Variants in SLC35A5 observed in about 807,000 individuals in gnomAD.
SLC35A5 encodes solute carrier family 35 member A5, also known as UDP-sugar transporter protein SLC35A5.
SLC35A5 carries 28 observed loss-of-function variants against 36.3 expected under a neutral mutation model. The observed-to-expected ratio is 0.77, with a 90% CI of 0.57 to 1.06. The LOEUF (loss-of-function observed/expected upper bound fraction) is 1.06, where lower values mean the gene tolerates loss of function less well. SLC35A5 is among the 50% of genes least tolerant of loss of function. SLC35A5 has a pLI of 0.00. For missense variants in SLC35A5, 521 were observed against 499.3 expected, an observed-to-expected ratio of 1.04 and a Z score of -0.41; for synonymous variants, 180 against 173.7, an observed-to-expected ratio of 1.04 and a Z score of -0.29.
chr3:112,563,560 GAGCACTT>G (rs763300984), intron 2 of SLC35A5, 27 bp downstream of exon 2: 3 of 1,548,926 alleles, frequency 1.9e-6, no homozygotes, highest in Non-Finnish European at 2.6e-6. Context: ...TATATGCATG[GAGCACTT>G]CCATCTAATC....
intron 5 of SLC35A5, among the ~76,000 whole-genome samples, chr3:112,577,753 G>A (rs1337719462): frequency 1.3e-5 from 2 of 152,232 alleles, no homozygotes; most frequent in African/African-American, 2.4e-5. Flanking sequence ...GTCTGAAACA[G>A]CAGAAGAACA....
intron 1 of SLC35A5, 125 bp downstream of exon 1, chr3:112,562,398 C>T (rs1440485366): frequency 6.6e-6 from 1 of 152,386 alleles, no homozygotes; most frequent in Non-Finnish European, 1.5e-5. Context: ...ATCTGGCCCC[C>T]TCCTGTCGGG....
intron 2 of SLC35A5, among the ~76,000 whole-genome samples, chr3:112,563,884 T>G (rs1211063785): frequency 3.3e-5 from 5 of 152,202 alleles, no homozygotes; most frequent in Non-Finnish European, 7.4e-5. Context: ...CACTTGGCAT[T>G]TGTGAGGTAC....
chr3:112,580,827 T>C lies in SLC35A5; in HGVS notation c.710T>C (p.Ile237Thr), dbSNP rs1934877158. 6.2e-7 allele frequency: 1 copy of C among 1,614,072 alleles called. No individual in the cohort carries two copies. The highest frequency in any genetic ancestry group is 8.5e-7 in the Non-Finnish European group (1 of 1,180,012). The change falls in exon 6 of 7, where the codon ATA becomes ACA. Residue 237 changes from isoleucine (I) to threonine (T), a missense_variant. Physicochemically the swap from Ile to Thr is moderately conservative, Grantham distance 89 (BLOSUM62 -1). Transcript: ENST00000492406. The part of the protein sequence containing the change: ...IRLGMGHVLI[I>T]VQCFISSMAN... ...CTTGGCATGGGCCATGTTCTTATTA[T>C]AGTCCAGTGTTTTATTTCTTCAATG... is the stretch of plus-strand genomic sequence containing the variant.
chr3:112,571,735 C>G (rs559826317), intron 4 of SLC35A5, among the ~76,000 whole-genome samples: 2 of 152,058 alleles, frequency 1.3e-5, no homozygotes, highest in Admixed American at 6.5e-5. Context: ...TTTATAAAAC[C>G]GTCAGATCTC....
rs1241127522 is a variant in SLC35A5, at chr3:112,580,882, G to A, written c.765G>A (p.Lys255=). The change falls in exon 6 of 7, where the codon AAG becomes AAA. Residue 255 remains lysine, a synonymous_variant. Transcript: ENST00000492406. ...ATATCTATAATGAAAAGATACTGAA[G>A]GAAGGGAACCAGCTCACTGAAAGCA... is the stretch of plus-strand genomic sequence containing the variant. ...MANIYNEKIL[K]EGNQLTESIF... 1 of 1,614,140 alleles carries A rather than the reference G, an allele frequency of 6.2e-7. No individual in the cohort carries two copies. The highest frequency in any genetic ancestry group is 2.2e-5 in the East Asian group (1 of 44,886).
intron 3 of SLC35A5, among the ~76,000 whole-genome samples, chr3:112,569,487 A>G (rs1242019030): frequency 6.6e-6 from 1 of 152,230 alleles, no homozygotes; most frequent in Non-Finnish European, 1.5e-5. Context: ...ACACCAACTC[A>G]TGTTTCCTAA....
intron 6 of SLC35A5, among the ~76,000 whole-genome samples, chr3:112,582,189 G>T (rs1323431233): frequency 6.6e-6 from 1 of 152,074 alleles, no homozygotes; most frequent in Non-Finnish European, 1.5e-5. Context: ...TCATAGCAGA[G>T]CTTCCCTGGG....
At position 112,568,346 on chromosome 3, in the gene SLC35A5, A is replaced by G. The variant is rs72940091; in HGVS notation, c.131-825A>G. On this transcript the variant is annotated intron_variant, in intron 2 of 6. Coordinates refer to ENST00000492406, the MANE Select transcript of SLC35A5 (RefSeq NM_017945.5). ...TGAGAGAAGCAAGCAAATGTCTTCA[A>G]AAGTGGGGAAAATGCATTCCTGAAA... is the stretch of plus-strand genomic sequence containing the variant. Among the ~76,000 whole-genome samples the G allele has an allele frequency of 8.7e-3, 1,320 of 152,358 alleles. 15 individuals are homozygous for G. The highest frequency in any genetic ancestry group is 0.03 in the African/African-American group (1,256 of 41,580).
intron 3 of SLC35A5, among the ~76,000 whole-genome samples, chr3:112,569,635 C>T (rs1480898869): frequency 6.6e-6 from 1 of 152,182 alleles, no homozygotes; most frequent in Non-Finnish European, 1.5e-5. Flanking sequence ...CCATTTCCTG[C>T]AGGGAAGGTA....
chr3:112,565,426 G>A (rs1934151286), intron 2 of SLC35A5, among the ~76,000 whole-genome samples: 1 of 152,116 alleles, frequency 6.6e-6, no homozygotes, highest in South Asian at 2.1e-4. Context: ...GGGAACAGAG[G>A]CATAAAAAAG....
At chr3:112,574,391 T>G (rs1021535694) in intron 5 of SLC35A5, among the ~76,000 whole-genome samples, 8 of 142,874 alleles carry the variant, frequency 5.6e-5, no homozygotes, top group Non-Finnish European at 8.8e-5. Context: ...GGACGTGATT[T>G]AAGCACTAAT....
chr3:112,581,382 T>C (rs1934919514), intron 6 of SLC35A5, 56 bp downstream of exon 6: 5 of 1,491,288 alleles, frequency 3.4e-6, no homozygotes, highest in Admixed American at 2.3e-5. Flanking sequence ...AAAGCATAGT[T>C]AATTCAAGGA....
At position 112,585,080 on chromosome 3, in the gene SLC35A5, CTA is replaced by C. The variant is rs1052006706; in HGVS notation, c.*2347_*2348del. The C allele has an allele frequency of 6.6e-6, 1 of 151,070 alleles. No individual in the cohort carries two copies. Among genetic ancestry groups the C allele is most frequent in the Admixed American group, 6.6e-5 (1 of 15,204 alleles). The allele number at this position is 151,070 out of a possible 1,614,324, so 9.4% of individuals were successfully genotyped here. A position where few individuals can be genotyped will look rare whatever the true frequency, so the allele number is the denominator to read the frequency against. ...AAAGAAATACCCGAGACTGGGTAAT[CTA>C]TAAAGAAAAGGGGTTTAAATGACTC... On this transcript the variant is annotated 3_prime_UTR_variant, in exon 7 of 7. Coordinates refer to ENST00000492406, the MANE Select transcript of SLC35A5 (RefSeq NM_017945.5).
chr3:112,564,974 A>G (rs1934128954), intron 2 of SLC35A5, among the ~76,000 whole-genome samples: 1 of 152,214 alleles, frequency 6.6e-6, no homozygotes. Context: ...CTTTCTACAC[A>G]GACACAGTAA....
At position 112,583,030 on chromosome 3, in the gene SLC35A5, A is replaced by G. The variant is rs1935003545; in HGVS notation, c.*294A>G. ...TTTTCCTTGGCCTTCAAGCTTCCAA[A>G]AAACTTGTAATAATCATGTTAGCTA... On this transcript the variant is annotated 3_prime_UTR_variant, in exon 7 of 7. Coordinates refer to ENST00000492406, the MANE Select transcript of SLC35A5 (RefSeq NM_017945.5). The G allele has an allele frequency of 4.3e-5, 19 of 438,036 alleles. No homozygotes were observed. The South Asian group carries it at 1.4e-3, about 31-fold the overall frequency. 27.1% of individuals were successfully genotyped at this position (438,036 alleles called of 1,614,324 possible). A position where few individuals can be genotyped will look rare whatever the true frequency, so the allele number is the denominator to read the frequency against.
rs60125485 is a variant in SLC35A5 at position 112,574,481 on chromosome 3, G to C, written c.428+525G>C. ...TAAACTTTTAAAAATGTTATCACCAGTTTTTACTATCTCCAAGAGGACCGT... is the reference window on the plus strand; with the variant it reads ...TAAACTTTTAAAAATGTTATCACCACTTTTTACTATCTCCAAGAGGACCGT... On this transcript the variant is annotated intron_variant, in intron 5 of 6. Transcript: ENST00000492406. 4.7e-3 allele frequency among the ~76,000 whole-genome samples: 716 copies of C among 152,158 alleles called. 5 individuals are homozygous for C. The highest frequency in any genetic ancestry group is 0.016 in the African/African-American group (671 of 41,526).
intron 2 of SLC35A5, among the ~76,000 whole-genome samples, chr3:112,566,958 G>A (rs982090672): frequency 6.6e-5 from 10 of 152,182 alleles, no homozygotes. Context: ...TGGGTGTGGT[G>A]GCTCACGCCT....
chr3:112,570,585 C>G lies in SLC35A5; in HGVS notation c.275C>G (p.Ser92Cys). The change falls in exon 4 of 7, where the codon TCT (serine) becomes TGT (cysteine). Residue 92 changes from serine (S) to cysteine (C), a missense_variant. Transcript: ENST00000492406. ...NLKYASWKEFSDFMKWSIPAF... is the reference protein window; with the variant it reads ...NLKYASWKEFCDFMKWSIPAF... ...AAATATGCTTCCTGGAAGGAATTCT[C>G]TGATTTCATGAAGTGGTCCATTCCT... 1 of 1,612,802 alleles carries G rather than the reference C, an allele frequency of 6.2e-7. No homozygotes were observed. The highest frequency in any genetic ancestry group is 8.5e-7 in the Non-Finnish European group (1 of 1,179,428).
Sources: gnomAD v4.1 joint callset for allele counts (sites outside exome capture counted in the v4.1 genomes callset) on GRCh38, gnomAD v4.1.1 for gene constraint, MANE v1.5 for transcripts, NCBI Gene and HGNC (gene_info 2026-07-23, HGNC 2026-07-21) for gene names.